Variants in TRAPPC10 observed in about 807,000 individuals in gnomAD.
The protein encoded by TRAPPC10 is TRAPP 130 kDa subunit.
Under a neutral mutation model 125.5 loss-of-function variants are expected in TRAPPC10, and 23 were observed. The observed-to-expected ratio is 0.18, with a 90% CI of 0.13 to 0.26. The LOEUF is 0.26. Among genes scored for constraint, TRAPPC10 ranks in the 10% least tolerant of loss-of-function variants. The pLI is 1.00. For synonymous variants in TRAPPC10, 509 were observed against 518.0 expected (o/e 0.98, Z 0.24); for missense variants, 1,123 against 1,308.4 (o/e 0.86, Z 2.19).
At chr21:44,046,079 G>A (rs2034784747) in intron 3 of TRAPPC10, among the ~76,000 whole-genome samples, 1 of 151,928 alleles carries the variant, frequency 6.6e-6, no homozygotes, top group African/African-American at 2.4e-5. Flanking sequence ...TAAAATCCGA[G>A]CAGTATTTAA....
intron 7 of TRAPPC10, among the ~76,000 whole-genome samples, chr21:44,065,855 T>C (rs1250787394): frequency 6.6e-6 from 1 of 152,204 alleles, no homozygotes; most frequent in African/African-American, 2.4e-5. Flanking sequence ...CTTTCTCTCC[T>C]TTTTTCTAAA....
At chr21:44,064,302 TATG>T (rs1555947730) in intron 7 of TRAPPC10, among the ~76,000 whole-genome samples, 1 of 128,310 alleles carries the variant, frequency 7.8e-6, no homozygotes, top group Non-Finnish European at 1.6e-5. Flanking sequence ...ATGTCATAAA[TATG>T]TGTGTGTGTG....
Position 44,055,884 on chromosome 21 carries a change from C to T in TRAPPC10, c.669C>T (p.Phe223=), listed in dbSNP as rs1321151547. ...TEPGWSFCEY[F]MVQEELAFVF... ...CAGGCTGGAGCTTTTGTGAATATTT[C>T]ATGGTTCAGGTACTTGACTCATTAC... Residue 223 remains phenylalanine, a synonymous_variant, in exon 5 of 23, where the codon TTC becomes TTT. Transcript: ENST00000291574. 1.2e-6 allele frequency: 2 copies of T among 1,602,728 alleles called. No homozygotes were observed. Among genetic ancestry groups the T allele is most frequent in the Non-Finnish European group, 1.7e-6 (2 of 1,170,960 alleles).
In TRAPPC10 at chr21:44,087,961, G is replaced by T; in HGVS notation, c.2769+33G>T. On this transcript the variant is annotated intron_variant, in intron 17 of 22. Transcript: ENST00000291574. This position sits in a 1 kb window ranked among gnomAD's most constrained non-coding sequence, Gnocchi z 4.6. ...GGGACAGTGGAGGAGCTTAGCTTGT[G>T]GGGCGTCCGCCGCCCGCCTGCCTGC... is the stretch of plus-strand genomic sequence containing the variant. The T allele has an allele frequency of 6.4e-7, 1 of 1,563,540 alleles. No individual in the cohort carries two copies. The highest frequency in any genetic ancestry group is 8.7e-7 in the Non-Finnish European group (1 of 1,148,370).
chr21:44,045,461 G>A (rs1252612883), intron 3 of TRAPPC10, among the ~76,000 whole-genome samples: 1 of 151,910 alleles, frequency 6.6e-6, no homozygotes, highest in Non-Finnish European at 1.5e-5. Context: ...CACCTCTTTT[G>A]GGTTCCATTG....
intron 15 of TRAPPC10, 41 bp downstream of exon 15, chr21:44,084,304 G>T (rs918942438): frequency 1.9e-6 from 3 of 1,600,956 alleles, no homozygotes; most frequent in African/African-American, 2.7e-5. Context: ...GTGCTGCTGG[G>T]GCAGTTCTGA....
intron 1 of TRAPPC10, among the ~76,000 whole-genome samples, chr21:44,030,455 A>G (rs1431540315): frequency 6.6e-6 from 1 of 151,860 alleles, no homozygotes; most frequent in Non-Finnish European, 1.5e-5. Flanking sequence ...TCTTTTATTG[A>G]TGTCTTTTCT....
rs561548100 is a variant in TRAPPC10 at position 44,013,160 on chromosome 21, A to G, written c.67+600A>G. ...GGGCGCTTAGGCGAGCTTGCTCCCC[A>G]TGAACAGCCTCCCGCTCGAGTCTAC... is the stretch of plus-strand genomic sequence containing the variant. On this transcript the variant is annotated intron_variant, in intron 1 of 22. Transcript: ENST00000291574. Among the ~76,000 whole-genome samples, 460 of 151,246 alleles carry G rather than the reference A, an allele frequency of 3.0e-3. 5 individuals are homozygous for G. Among genetic ancestry groups the G allele is most frequent in the African/African-American group, 0.01 (425 of 40,828 alleles).
At chr21:44,024,856 A>C (rs1024135725) in intron 1 of TRAPPC10, among the ~76,000 whole-genome samples, 1 of 152,178 alleles carries the variant, frequency 6.6e-6, no homozygotes, top group Non-Finnish European at 1.5e-5. Flanking sequence ...TGAGTACTCC[A>C]TCACAGTTTT....
At chr21:44,015,919 T>C (rs1056516684) in intron 1 of TRAPPC10, among the ~76,000 whole-genome samples, 2 of 152,240 alleles carry the variant, frequency 1.3e-5, no homozygotes, top group Non-Finnish European at 1.5e-5. Flanking sequence ...TGGCCCTAAA[T>C]GTTTTAATAG....
chr21:44,022,486 G>T (rs1449403874), intron 1 of TRAPPC10, among the ~76,000 whole-genome samples: 1 of 133,900 alleles, frequency 7.5e-6, no homozygotes, highest in Non-Finnish European at 1.5e-5. Flanking sequence ...ACAAAGACGG[G>T]GTTTGTTAGT....
intron 7 of TRAPPC10, among the ~76,000 whole-genome samples, chr21:44,070,613 G>A (rs1294482006): frequency 1.3e-5 from 2 of 152,202 alleles, no homozygotes; most frequent in Non-Finnish European, 2.9e-5. Flanking sequence ...TTTCTGTGTC[G>A]GCCACCATTT....
rs2035901980 is a variant in TRAPPC10, at chr21:44,059,858, G to A, written c.790+644G>A. 4.0e-6 allele frequency: 1 copy of A among 248,632 alleles called. No homozygotes were observed. Among genetic ancestry groups the A allele is most frequent in the Non-Finnish European group, 7.6e-6 (1 of 130,970 alleles). The allele number at this position is 248,632 out of a possible 1,614,324, so 15.4% of individuals were successfully genotyped here. A position where few individuals can be genotyped will look rare whatever the true frequency, so the allele number is the denominator to read the frequency against. ...AGGTTAGCAGGTGGGGTTTGGAGTT[G>A]TTTTTGTTACAATTGGTATTCCTGG... On this transcript the variant is annotated intron_variant, in intron 6 of 22. Transcript: ENST00000291574. The surrounding 1 kb of genome is among the most constrained non-coding windows in gnomAD (Gnocchi z 4.4).
intron 20 of TRAPPC10, among the ~76,000 whole-genome samples, chr21:44,095,021 G>A (rs2038832346): frequency 6.7e-6 from 1 of 148,424 alleles, no homozygotes; most frequent in African/African-American, 2.5e-5. Flanking sequence ...TCAAATAATA[G>A]TATATATTAT....
chr21:44,022,276 ATTTTTTTTTT>A (rs58767563), intron 1 of TRAPPC10, among the ~76,000 whole-genome samples: 25 of 83,816 alleles, frequency 3.0e-4, no homozygotes, highest in African/African-American at 5.5e-4. Context: ...GCCTGGCTAA[ATTTTTTTTTT>A]TTTTTTTTTT....
At position 44,012,463 on chromosome 21, in the gene TRAPPC10, C is replaced by T; in HGVS notation, c.-31C>T. 7.0e-7 allele frequency: 1 copy of T among 1,419,124 alleles called. No homozygotes were observed. Among genetic ancestry groups the T allele is most frequent in the Non-Finnish European group, 9.3e-7 (1 of 1,070,816 alleles). 87.9% of individuals were successfully genotyped at this position (1,419,124 alleles called of 1,614,324 possible). ...CGGCCTCGGGGCTGCCCATGGGGCG[C>T]GGGGGGCCGGGCCGGTGACGCCGGA... On this transcript the variant is annotated 5_prime_UTR_variant, in exon 1 of 23. Coordinates refer to ENST00000291574, the MANE Select transcript of TRAPPC10 (RefSeq NM_003274.5).
intron 4 of TRAPPC10, among the ~76,000 whole-genome samples, chr21:44,052,853 A>G (rs748527617): frequency 5.9e-5 from 9 of 151,984 alleles, no homozygotes; most frequent in Non-Finnish European, 1.3e-4. Flanking sequence ...AACACCTGAG[A>G]GTTCCTAAGA....
chr21:44,067,849 C>A (rs1210237871), intron 7 of TRAPPC10, among the ~76,000 whole-genome samples: 1 of 151,952 alleles, frequency 6.6e-6, no homozygotes, highest in East Asian at 1.9e-4. Context: ...AGGCTGGGCA[C>A]AGTGGCTCAA....
At chr21:44,089,796 C>T (rs572354271) in intron 17 of TRAPPC10, 37 bp from the exon 18 acceptor site, 22 of 1,544,942 alleles carry the variant, frequency 1.4e-5, no homozygotes, top group Admixed American at 5.0e-5. Context: ...TGTCCGTCGG[C>T]GAGTGGTCTG....
Sources: gnomAD v4.1 joint callset for allele counts (sites outside exome capture counted in the v4.1 genomes callset) on GRCh38, gnomAD v4.1.1 for gene constraint, Gnocchi (gnomAD v3.1) non-coding constraint, MANE v1.5 for transcripts, NCBI Gene and HGNC (gene_info 2026-07-23, HGNC 2026-07-21) for gene names.